The following ZDHHC17 variants were observed in gnomAD, a reference collection of about 807,000 sequenced individuals.
The protein encoded by ZDHHC17 is zDHHC palmitoyltransferase 17, also known as palmitoyltransferase ZDHHC17.
ZDHHC17 carries 40 observed loss-of-function variants against 90.3 expected under a neutral mutation model. The observed-to-expected ratio is 0.44, with a 90% CI of 0.34 to 0.58. The LOEUF (loss-of-function observed/expected upper bound fraction) is 0.58, where lower values mean the gene tolerates loss of function less well. Ranked by LOEUF, ZDHHC17 falls within the 20% of genes least tolerant of loss-of-function variation. The pLI is 0.01. For missense variants in ZDHHC17, 614 were observed against 780.8 expected (o/e 0.79, Z 2.55); for synonymous variants, 235 against 252.4 (o/e 0.93, Z 0.65).
intron 8 of ZDHHC17, among the ~76,000 whole-genome samples, chr12:76,826,604 G>A (rs554755875): frequency 6.6e-6 from 1 of 152,268 alleles, no homozygotes; most frequent in South Asian, 2.1e-4. Context: ...TATTTTTCAT[G>A]AACTGTTTGC....
At chr12:76,799,359 T>A (rs769925727) in intron 2 of ZDHHC17, among the ~76,000 whole-genome samples, 3 of 152,250 alleles carry the variant, frequency 2.0e-5, no homozygotes, top group Non-Finnish European at 4.4e-5. Flanking sequence ...TTTCTTAATA[T>A]AAAGACTTGG....
At chr12:76,781,594 C>A (rs1383504953) in intron 1 of ZDHHC17, 1 of 455,918 alleles carries the variant, frequency 2.2e-6, no homozygotes, top group Admixed American at 2.4e-5. Flanking sequence ...TGCTGTCTTG[C>A]CCTTGCACCT....
chr12:76,772,922 T>A (rs1239371088), intron 1 of ZDHHC17, among the ~76,000 whole-genome samples: 2 of 151,436 alleles, frequency 1.3e-5, no homozygotes, highest in Non-Finnish European at 2.9e-5. Context: ...AATGGCGTGA[T>A]TCTTGGCTCA....
At chr12:76,806,069 C>A (rs1487536866) in intron 3 of ZDHHC17, among the ~76,000 whole-genome samples, 1 of 152,076 alleles carries the variant, frequency 6.6e-6, no homozygotes, top group Non-Finnish European at 1.5e-5. Flanking sequence ...TCTTTTGACA[C>A]TTTGGACACA....
In ZDHHC17 at chr12:76,846,319, C is replaced by T. The variant is rs1435343261; in HGVS notation, c.1424-277C>T. The T allele has an allele frequency of 1.1e-5, 4 of 354,022 alleles. No individual in the cohort carries two copies. The Admixed American group carries it at 1.7e-4, about 15-fold the overall frequency. The allele number at this position is 354,022 out of a possible 1,614,324, so 21.9% of individuals were successfully genotyped here. On this transcript the variant is annotated intron_variant, in intron 13 of 16. Coordinates refer to ENST00000426126, the MANE Select transcript of ZDHHC17 (RefSeq NM_015336.4). ...AAGATAAAATAGGGCTATTTTAAAC[C>T]TCACAAAGAATAGGATTAGAGGTCA...
intron 2 of ZDHHC17, 41 bp downstream of exon 2, chr12:76,797,578 T>A (rs781692887): frequency 7.0e-6 from 10 of 1,438,180 alleles, no homozygotes; most frequent in Non-Finnish European, 8.6e-6. Context: ...GCATGTGTAT[T>A]TCAAGTGAAA....
chr12:76,769,826 A>C (rs1335457792), intron 1 of ZDHHC17, among the ~76,000 whole-genome samples: 2 of 152,182 alleles, frequency 1.3e-5, no homozygotes, highest in Admixed American at 1.3e-4. Flanking sequence ...TTGTGCTCAA[A>C]GCCAGAGTTG....
At chr12:76,812,392 GT>G (rs1359792457) in intron 5 of ZDHHC17, among the ~76,000 whole-genome samples, 1 of 151,974 alleles carries the variant, frequency 6.6e-6, no homozygotes, top group Non-Finnish European at 1.5e-5. Flanking sequence ...TCTTCTGCTG[GT>G]ATATTCTTTC....
chr12:76,852,242 A>G lies in ZDHHC17; in HGVS notation c.*1257A>G, dbSNP rs1356899435. ...GGTGAGATTTGGTTTATTCATCTTA[A>G]GTGCTGTAGCAAACTGTGGTTCGAG... On this transcript the variant is annotated 3_prime_UTR_variant, in exon 17 of 17. Coordinates refer to ENST00000426126, the MANE Select transcript of ZDHHC17 (RefSeq NM_015336.4). 1 of 152,632 alleles carries G rather than the reference A, an allele frequency of 6.6e-6. No individual in the cohort carries two copies. Among genetic ancestry groups the G allele is most frequent in the Non-Finnish European group, 1.5e-5 (1 of 68,042 alleles). 9.5% of individuals were successfully genotyped at this position (152,632 alleles called of 1,614,324 possible). A position where few individuals can be genotyped will look rare whatever the true frequency, so the allele number is the denominator to read the frequency against.
chr12:76,846,054 TTC>T (rs1953491755), intron 13 of ZDHHC17, among the ~76,000 whole-genome samples: 1 of 152,154 alleles, frequency 6.6e-6, no homozygotes, highest in East Asian at 1.9e-4. Context: ...AATTTTTTTT[TTC>T]TAGTTAAACT....
At chr12:76,788,518 A>T (rs1952718556) in intron 1 of ZDHHC17, among the ~76,000 whole-genome samples, 1 of 152,154 alleles carries the variant, frequency 6.6e-6, no homozygotes, top group Non-Finnish European at 1.5e-5. Context: ...AGTTCTAAAC[A>T]TGGAAGTCTT....
intron 2 of ZDHHC17, among the ~76,000 whole-genome samples, chr12:76,801,531 G>C (rs1346269030): frequency 6.6e-6 from 1 of 151,982 alleles, no homozygotes; most frequent in Non-Finnish European, 1.5e-5. Context: ...GTGGGTGCCT[G>C]TAGTCCCAGC....
chr12:76,846,625 T>A lies in ZDHHC17; in HGVS notation c.1453T>A (p.Tyr485Asn). The A allele has an allele frequency of 6.2e-7, 1 of 1,612,646 alleles. No homozygotes were observed. The highest frequency in any genetic ancestry group is 8.5e-7 in the Non-Finnish European group (1 of 1,179,152). The change falls in exon 14 of 17, where the codon TAC (tyrosine) becomes AAC (asparagine). Residue 485 changes from tyrosine to asparagine, a missense_variant. Tyr to Asn is a moderately radical substitution (Grantham distance 143, BLOSUM62 -2). This residue lies in a region of ZDHHC17 where 111 missense variants were observed against 179.8 expected (regional missense o/e 0.62). Transcript: ENST00000426126. ...AGGCAACCATAGATATTTTATGGGC[T>A]ACCTATTCTTCTTGCTTTTTATGAT... is the stretch of plus-strand genomic sequence containing the variant. ...GAGNHRYFMG[Y>N]LFFLLFMICW...
intron 9 of ZDHHC17, among the ~76,000 whole-genome samples, chr12:76,827,338 C>G (rs1403902120): frequency 6.6e-6 from 1 of 152,044 alleles, no homozygotes; most frequent in African/African-American, 2.4e-5. Context: ...TGAACTCTAA[C>G]ATACATATTG....
At chr12:76,831,780 A>G (rs1288937977) in intron 10 of ZDHHC17, among the ~76,000 whole-genome samples, 1 of 152,088 alleles carries the variant, frequency 6.6e-6, no homozygotes. Flanking sequence ...CTGAGAAGCT[A>G]GGACTACAGG....
chr12:76,845,753 C>T lies in ZDHHC17; in HGVS notation c.1374C>T (p.Arg458=), dbSNP rs758405710. ...CCAAACATTGTGGTGTGTGCAACCG[C>T]TGTATAGCAAAATTTGATCATCATT... ...VRSKHCGVCN[R]CIAKFDHHCP... is the part of the protein sequence containing the mutation. The change falls in exon 13 of 17, where the codon CGC becomes CGT. Residue 458 remains arginine (R), a synonymous_variant. Transcript: ENST00000426126. The T allele has an allele frequency of 1.2e-6, 2 of 1,612,254 alleles. No individual in the cohort carries two copies. Among genetic ancestry groups the T allele is most frequent in the East Asian group, 2.2e-5 (1 of 44,774 alleles).
At chr12:76,776,850 G>A (rs1952566028) in intron 1 of ZDHHC17, among the ~76,000 whole-genome samples, 1 of 152,078 alleles carries the variant, frequency 6.6e-6, no homozygotes, top group Non-Finnish European at 1.5e-5. Flanking sequence ...AAACTTGTAT[G>A]AAAATTTTTT....
chr12:76,828,303 C>A, intron 9 of ZDHHC17, 87 bp from the exon 10 acceptor site: 2 of 1,175,908 alleles, frequency 1.7e-6, no homozygotes, highest in Non-Finnish European at 1.2e-6. Context: ...GCTTACTATA[C>A]AAAATGTGTG....
At chr12:76,779,077 G>T (rs1674540960) in intron 1 of ZDHHC17, among the ~76,000 whole-genome samples, 1 of 152,192 alleles carries the variant, frequency 6.6e-6, no homozygotes, top group African/African-American at 2.4e-5. Flanking sequence ...AGTCTGTTCT[G>T]AGGTACAGGG....
Sources: gnomAD v4.1 joint callset for allele counts (sites outside exome capture counted in the v4.1 genomes callset) on GRCh38, gnomAD v4.1.1 for gene constraint, gnomAD v4.1.1 regional missense constraint, MANE v1.5 for transcripts, NCBI Gene and HGNC (gene_info 2026-07-23, HGNC 2026-07-21) for gene names.